Variants in TASP1 observed in about 807,000 individuals in gnomAD.
TASP1 encodes threonine aspartase 1.
In TASP1, 16 loss-of-function variants were observed where a neutral mutation model predicts 56.6. The observed-to-expected ratio is 0.28, with a 90% confidence interval of 0.19 to 0.43. TASP1 has a LOEUF of 0.43. TASP1 is among the 20% of genes least tolerant of loss of function. The probability of loss-of-function intolerance (pLI) is 1.00; values close to 1 mark genes in which losing one functional copy is unlikely to be tolerated. For synonymous variants in TASP1, 179 were observed against 184.2 expected (o/e 0.97, Z 0.23); for missense variants, 393 against 511.6 (o/e 0.77, Z 2.24).
At chr20:13,207,032 A>G in the TASP1 span, among the ~76,000 whole-genome samples, 1 of 152,172 alleles carries the variant, frequency 6.6e-6, no homozygotes, top group African/African-American at 2.4e-5. Context: ...GTAAATAGGA[A>G]CCTGCATCAT....
chr20:13,244,743 C>G, the TASP1 span, among the ~76,000 whole-genome samples: 1 of 152,172 alleles, frequency 6.6e-6, no homozygotes, highest in Non-Finnish European at 1.5e-5. Flanking sequence ...TTTCATTCCC[C>G]TAGAAGCAAA....
chr20:13,105,421 TCTTG>T, the TASP1 span, among the ~76,000 whole-genome samples: 2 of 152,176 alleles, frequency 1.3e-5, no homozygotes, highest in Admixed American at 6.5e-5. Context: ...CTGGGATTCC[TCTTG>T]CTTCCCTCCG....
chr20:13,528,411 T>C (rs775155852), intron 10 of TASP1, 22 bp downstream of exon 10: 1 of 1,591,544 alleles, frequency 6.3e-7, no homozygotes, highest in African/African-American at 1.4e-5. Flanking sequence ...TTATGAGAAA[T>C]GGTTATGAAA....
chr20:13,487,710 T>C (rs1600969659), intron 10 of TASP1, among the ~76,000 whole-genome samples: 2 of 152,086 alleles, frequency 1.3e-5, no homozygotes, highest in African/African-American at 4.8e-5. Context: ...AACACACATA[T>C]ACATACAACC....
At chr20:13,592,225 T>C (rs2147289929) in intron 4 of TASP1, among the ~76,000 whole-genome samples, 1 of 151,684 alleles carries the variant, frequency 6.6e-6, no homozygotes, top group Admixed American at 6.6e-5. Context: ...GGTGAAATCC[T>C]GTCTCTATTA....
chr20:13,288,011 A>G, the TASP1 span, among the ~76,000 whole-genome samples: 3 of 152,310 alleles, frequency 2.0e-5, no homozygotes, highest in African/African-American at 7.2e-5. Context: ...TCTGTAGTCC[A>G]TGTGGCTCCT....
the TASP1 span, among the ~76,000 whole-genome samples, chr20:13,322,780 G>A: frequency 2.6e-5 from 4 of 152,112 alleles, no homozygotes; most frequent in African/African-American, 9.7e-5. Flanking sequence ...GGAAGTCCCC[G>A]AGATCAAAGC....
At chr20:13,253,096 T>C in the TASP1 span, among the ~76,000 whole-genome samples, 1 of 152,216 alleles carries the variant, frequency 6.6e-6, no homozygotes, top group Non-Finnish European at 1.5e-5. Context: ...GGCCTGTTGC[T>C]GCTCCATTTG....
At chr20:13,281,540 G>A in the TASP1 span, among the ~76,000 whole-genome samples, 1 of 152,186 alleles carries the variant, frequency 6.6e-6, no homozygotes, top group Non-Finnish European at 1.5e-5. Flanking sequence ...CTAAAGCCTG[G>A]AAAACTTAAG....
intron 10 of TASP1, among the ~76,000 whole-genome samples, chr20:13,493,224 T>C (rs1451664030): frequency 6.6e-6 from 1 of 152,160 alleles, no homozygotes; most frequent in African/African-American, 2.4e-5. Context: ...CCGTCTACCA[T>C]GTCAGAGGAA....
the TASP1 span, among the ~76,000 whole-genome samples, chr20:13,129,310 T>C: frequency 2.0e-5 from 3 of 152,152 alleles, no homozygotes; most frequent in African/African-American, 7.2e-5. Context: ...CTTAAACAGG[T>C]ATCTTTTAAC....
chr20:13,342,491 G>A, the TASP1 span, among the ~76,000 whole-genome samples: 1 of 152,194 alleles, frequency 6.6e-6, no homozygotes, highest in Non-Finnish European at 1.5e-5. Flanking sequence ...CGGGACACAG[G>A]AGGCCACCTT....
intron 12 of TASP1, among the ~76,000 whole-genome samples, chr20:13,419,065 T>C (rs2042353598): frequency 6.6e-6 from 1 of 152,160 alleles, no homozygotes; most frequent in Non-Finnish European, 1.5e-5. Flanking sequence ...ATTGATAAAG[T>C]TGGAAAAGGG....
chr20:13,247,281 G>T, the TASP1 span, among the ~76,000 whole-genome samples: 1 of 152,138 alleles, frequency 6.6e-6, no homozygotes, highest in Non-Finnish European at 1.5e-5. Flanking sequence ...GCCTGGGTCT[G>T]CAATTTCTTG....
At chr20:13,200,664 C>A in the TASP1 span, among the ~76,000 whole-genome samples, 2 of 152,074 alleles carry the variant, frequency 1.3e-5, no homozygotes, top group Non-Finnish European at 2.9e-5. Flanking sequence ...TGAAATAAAA[C>A]AAAATAAAAT....
chr20:13,271,333 C>T, the TASP1 span, among the ~76,000 whole-genome samples: 3 of 152,206 alleles, frequency 2.0e-5, no homozygotes, highest in Non-Finnish European at 4.4e-5. Flanking sequence ...AGAGAGATGA[C>T]TATCTTCCAC....
chr20:13,109,414 A>C, the TASP1 span, among the ~76,000 whole-genome samples: 1 of 152,040 alleles, frequency 6.6e-6, no homozygotes. Context: ...AGTTTACTCA[A>C]CTCCTCTGTG....
At chr20:13,309,668 C>A in the TASP1 span, among the ~76,000 whole-genome samples, 1 of 152,078 alleles carries the variant, frequency 6.6e-6, no homozygotes, top group African/African-American at 2.4e-5. Context: ...TCTCTGTTTG[C>A]AGATGGTATT....
chr20:13,458,369 T>C (rs4814236), intron 11 of TASP1, among the ~76,000 whole-genome samples: 68,513 of 151,890 alleles, frequency 0.45, 15,604 homozygotes, highest in Non-Finnish European at 0.47. Context: ...TTGTTTTAGA[T>C]GGGGTTTCGC....
Sources: gnomAD v4.1 joint callset for allele counts (sites outside exome capture counted in the v4.1 genomes callset) on GRCh38, gnomAD v4.1.1 for gene constraint, MANE v1.5 for transcripts, NCBI Gene and HGNC (gene_info 2026-07-23, HGNC 2026-07-21) for gene names.